CDH22: variants seen among roughly 807,000 people sequenced by gnomAD.
The protein encoded by CDH22 is cadherin-22.
Under a neutral mutation model 58.4 loss-of-function variants are expected in CDH22, and 30 were observed. The ratio of observed to expected loss-of-function variants is 0.51; its 90% confidence interval spans 0.38 to 0.70. The LOEUF is 0.70. Ranked by LOEUF, CDH22 falls within the 30% of genes least tolerant of loss-of-function variation. The pLI, the probability that CDH22 is intolerant of heterozygous loss-of-function variation, is 0.00. For synonymous variants in CDH22, 513 were observed against 558.2 expected (o/e 0.92, Z 1.14); for missense variants, 1,014 against 1,233.9 (o/e 0.82, Z 2.67).
chr20:46,178,111 T>C lies in CDH22; in HGVS notation c.1750A>G (p.Ser584Gly). 6.2e-7 allele frequency: 1 copy of C among 1,613,954 alleles called. No homozygotes were observed. The highest frequency in any genetic ancestry group is 8.5e-7 in the Non-Finnish European group (1 of 1,179,926). The stretch of plus-strand genomic sequence containing the variant: ...GTGCTGCTCAGTGTGGGCGGCCCAC[T>C]GTCTACCACCAGGATGGGCAGGAAG... Reference protein sequence around the residue: ...VFFLPILVVDSGPPTLSSTGT... With the variant: ...VFFLPILVVDGGPPTLSSTGT... The change falls in exon 11 of 12, where the codon AGT (serine) becomes GGT (glycine). Residue 584 changes from serine (S) to glycine (G), a missense_variant. Physicochemically the swap from Ser to Gly is moderately conservative, Grantham distance 56. Around this residue, in one of 2 missense-constraint regions of CDH22, gnomAD observed 806 missense variants for 1,038.7 expected, o/e 0.78. Coordinates refer to ENST00000537909, the MANE Select transcript of CDH22 (RefSeq NM_021248.3).
intron 7 of CDH22, among the ~76,000 whole-genome samples, chr20:46,205,591 A>T (rs1444751817): frequency 1.3e-5 from 2 of 152,122 alleles, no homozygotes; most frequent in African/African-American, 4.8e-5. Flanking sequence ...TTGATGATCA[A>T]AGGAGACTCA....
At chr20:46,281,736 C>A (rs2086551864) in intron 1 of CDH22, among the ~76,000 whole-genome samples, 1 of 152,176 alleles carries the variant, frequency 6.6e-6, no homozygotes, top group South Asian at 2.1e-4. Context: ...ATCTGTCGAC[C>A]CACACCTGGC....
chr20:46,184,810 G>T (rs2085812770), intron 10 of CDH22, among the ~76,000 whole-genome samples: 1 of 152,180 alleles, frequency 6.6e-6, no homozygotes, highest in Non-Finnish European at 1.5e-5. Context: ...TGATGAAACT[G>T]AGGCTTAGAG....
At chr20:46,299,162 C>T (rs2086640530) in intron 1 of CDH22, among the ~76,000 whole-genome samples, 1 of 152,238 alleles carries the variant, frequency 6.6e-6, no homozygotes, top group Non-Finnish European at 1.5e-5. Flanking sequence ...TCCTCTCTGT[C>T]TTTCCTCCCC....
At chr20:46,180,926 TTG>T (rs11471209) in intron 10 of CDH22, among the ~76,000 whole-genome samples, 74,883 of 142,328 alleles carry the variant, frequency 0.53, 20,470 homozygotes, top group Non-Finnish European at 0.63. Flanking sequence ...AAAGTTTGTT[TTG>T]TGTGTGTGTG....
intron 7 of CDH22, among the ~76,000 whole-genome samples, chr20:46,208,985 C>T (rs1051264570): frequency 1.3e-5 from 2 of 152,184 alleles, no homozygotes; most frequent in Admixed American, 1.3e-4. Context: ...TAGTGGTGAA[C>T]AAATAGACGT....
rs899410937 is a variant in CDH22, at chr20:46,174,809, G to T, written c.2184C>A (p.Ser728=). 2.0e-6 allele frequency: 3 copies of T among 1,485,082 alleles called. No individual in the cohort carries two copies. The highest frequency in any genetic ancestry group is 1.5e-5 in the African/African-American group (1 of 68,768). 92.0% of individuals were successfully genotyped at this position (1,485,082 alleles called of 1,614,324 possible). The change falls in exon 12 of 12, where the codon TCC becomes TCA. Residue 728 remains serine, a synonymous_variant. Transcript: ENST00000537909. The surrounding 1 kb of genome is among the most constrained non-coding windows in gnomAD (Gnocchi z 4.4). ...GCCCCTGCGGCAGCGAGTGGCGCTCGGAGGGCAGGTGGGCCTGCGGGGGGC... is the reference window on the plus strand; with the variant it reads ...GCCCCTGCGGCAGCGAGTGGCGCTCTGAGGGCAGGTGGGCCTGCGGGGGGC... ...AGSPPQAHLP[S]ERHSLPQGPP...
chr20:46,265,184 G>A (rs1245196321), intron 1 of CDH22, among the ~76,000 whole-genome samples: 2 of 152,154 alleles, frequency 1.3e-5, no homozygotes, highest in Admixed American at 6.5e-5. Flanking sequence ...CATCCTGGCC[G>A]TGTCAATATT....
intron 8 of CDH22, among the ~76,000 whole-genome samples, chr20:46,194,786 G>T (rs1244754545): frequency 6.6e-6 from 1 of 152,196 alleles, no homozygotes; most frequent in African/African-American, 2.4e-5. Flanking sequence ...CTGGAGTGCA[G>T]TGGTGCAATC....
chr20:46,308,474 C>T lies in CDH22; in HGVS notation c.-619G>A. On this transcript the variant is annotated 5_prime_UTR_variant, in exon 1 of 12. Transcript: ENST00000537909. This position sits in a 1 kb window ranked among gnomAD's most constrained non-coding sequence, Gnocchi z 4.3. ...GAGAGCGAGGGAGTGAGCGAGCGAG[C>T]GGGAGCGAGGGAGTGTGCGTGTCTG... The T allele has an allele frequency of 4.7e-6, 1 of 212,298 alleles. No homozygotes were observed. The highest frequency in any genetic ancestry group is 9.5e-6 in the Non-Finnish European group (1 of 104,906). The allele number at this position is 212,298 out of a possible 1,614,324, so 13.2% of individuals were successfully genotyped here.
intron 4 of CDH22, 136 bp downstream of exon 4, chr20:46,227,372 G>T: frequency 2.5e-6 from 2 of 815,494 alleles, no homozygotes; most frequent in Non-Finnish European, 3.9e-6. Flanking sequence ...CTCCTGCTGT[G>T]CACAAGGTGC....
intron 1 of CDH22, among the ~76,000 whole-genome samples, chr20:46,270,053 G>T (rs1243051076): frequency 6.6e-6 from 1 of 152,208 alleles, no homozygotes; most frequent in Non-Finnish European, 1.5e-5. Context: ...ATAAGTAGGG[G>T]TTCGCCATAT....
Position 46,251,334 on chromosome 20 carries a change from A to G in CDH22, c.-40T>C. On this transcript the variant is annotated 5_prime_UTR_variant, in exon 2 of 12. Transcript: ENST00000537909. The surrounding 1 kb of genome is among the most constrained non-coding windows in gnomAD (Gnocchi z 6.7). The stretch of plus-strand genomic sequence containing the variant: ...GGGCTGGGGCCCAGGAGCATGGACG[A>G]GAGGCACCAGGGCGCCGCTGCTTGG... The G allele has an allele frequency of 7.1e-7, 1 of 1,415,472 alleles. No homozygotes were observed. Among genetic ancestry groups the G allele is most frequent in the South Asian group, 1.5e-5 (1 of 67,148 alleles). 87.7% of individuals were successfully genotyped at this position (1,415,472 alleles called of 1,614,324 possible).
intron 3 of CDH22, among the ~76,000 whole-genome samples, chr20:46,239,135 C>A (rs1295059977): frequency 6.6e-6 from 1 of 152,224 alleles, no homozygotes; most frequent in Non-Finnish European, 1.5e-5. Flanking sequence ...TATTGTCTGT[C>A]TTCCTTAGGA....
chr20:46,268,559 G>A (rs367946172), intron 1 of CDH22, among the ~76,000 whole-genome samples: 12 of 152,172 alleles, frequency 7.9e-5, no homozygotes, highest in Admixed American at 6.5e-4. Context: ...CCCCGGGCTC[G>A]GGATTTATGG....
At chr20:46,271,623 A>T (rs3904164) in intron 1 of CDH22, among the ~76,000 whole-genome samples, 13,575 of 152,118 alleles carry the variant, frequency 0.089, 792 homozygotes, top group South Asian at 0.2. Context: ...GGTCACCTTG[A>T]CTGCCATGTT....
chr20:46,204,725 G>A (rs936184046), intron 7 of CDH22, among the ~76,000 whole-genome samples: 3 of 152,100 alleles, frequency 2.0e-5, no homozygotes, highest in Admixed American at 1.3e-4. Context: ...ATCCTCTTAA[G>A]GAGCCAGCCA....
At chr20:46,254,118 A>T (rs1441659232) in intron 1 of CDH22, among the ~76,000 whole-genome samples, 3 of 152,250 alleles carry the variant, frequency 2.0e-5, no homozygotes, top group Non-Finnish European at 2.9e-5. Context: ...TGTTTAAGAC[A>T]GCAAGATGCA....
intron 1 of CDH22, among the ~76,000 whole-genome samples, chr20:46,257,724 G>A (rs1031166487): frequency 6.6e-6 from 1 of 152,210 alleles, no homozygotes; most frequent in Admixed American, 6.5e-5. Context: ...GTTCAGGGGT[G>A]AGGTCCTGCT....
Sources: gnomAD v4.1 joint callset for allele counts (sites outside exome capture counted in the v4.1 genomes callset) on GRCh38, gnomAD v4.1.1 for gene constraint, gnomAD v4.1.1 regional missense constraint, Gnocchi (gnomAD v3.1) non-coding constraint, MANE v1.5 for transcripts, NCBI Gene and HGNC (gene_info 2026-07-23, HGNC 2026-07-21) for gene names.